Variants in SLC13A4 observed in about 807,000 individuals in gnomAD.
SLC13A4 encodes solute carrier family 13 member 4.
A neutral mutation model predicts 72.7 loss-of-function variants in SLC13A4; 28 were observed. The ratio of observed to expected loss-of-function variants is 0.39; its 90% CI spans 0.29 to 0.53. The LOEUF is 0.53. Ranked by LOEUF, SLC13A4 falls within the 20% of genes least tolerant of loss-of-function variation. The pLI is 0.78. For missense variants in SLC13A4, 653 were observed against 788.0 expected (o/e 0.83, Z 2.05); for synonymous variants, 312 against 325.5 (o/e 0.96, Z 0.45).
At position 135,681,810 on chromosome 7, in the gene SLC13A4, C is replaced by T. The variant is rs998178853; in HGVS notation, c.1747-110G>A. 4.8e-6 allele frequency: 7 copies of T among 1,457,012 alleles called. No individual in the cohort carries two copies. The African/African-American group carries it at 9.8e-5, about 21-fold the overall frequency. 90.3% of individuals were successfully genotyped at this position (1,457,012 alleles called of 1,614,324 possible). On this transcript the variant is annotated intron_variant, in intron 15 of 15. Transcript: ENST00000682651. ...ATGCCTTGTGGCCCAGATTAGTTCC[C>T]AGTTGCTGCCTGGGGTGCTCTAGCA...
At chr7:135,694,072 C>T in intron 10 of SLC13A4, 65 bp downstream of exon 10, 1 of 959,166 alleles carries the variant, frequency 1.0e-6, no homozygotes, top group Non-Finnish European at 1.7e-6. Context: ...AGGGCTGCTC[C>T]TGTGCTCACT....
chr7:135,695,333 C>T (rs755045492), intron 9 of SLC13A4, 35 bp downstream of exon 9: 139 of 1,612,156 alleles, frequency 8.6e-5, no homozygotes, highest in Non-Finnish European at 4.7e-5. Context: ...AACAGGGGGG[C>T]TTCAGTGCTT....
chr7:135,700,107 C>T (rs1421936713), intron 7 of SLC13A4, among the ~76,000 whole-genome samples: 1 of 152,178 alleles, frequency 6.6e-6, no homozygotes, highest in Non-Finnish European at 1.5e-5. Flanking sequence ...TACATAAAAA[C>T]CCTAGTCTTC....
Position 135,699,394 on chromosome 7 carries a change from G to A in SLC13A4, c.869C>T (p.Thr290Ile). 1 of 1,613,154 alleles carries A rather than the reference G, an allele frequency of 6.2e-7. No homozygotes were observed. Among genetic ancestry groups the A allele is most frequent in the Non-Finnish European group, 8.5e-7 (1 of 1,179,596 alleles). ...GAAGTGTTCCAGGAAGATGAGGCTG[G>A]TGGAGGTGCCGATGATGGTGGTCAG... ...GGLTTIIGTS[T>I]SLIFLEHFNN... The change falls in exon 8 of 16, where the codon ACC becomes ATC. Residue 290 changes from threonine to isoleucine, a missense_variant. Thr to Ile is a moderately conservative substitution (Grantham distance 89, BLOSUM62 -1). Coordinates refer to ENST00000682651, the MANE Select transcript of SLC13A4 (RefSeq NM_001318192.2).
intron 13 of SLC13A4, among the ~76,000 whole-genome samples, chr7:135,689,681 G>A (rs1198771862): frequency 1.3e-5 from 2 of 152,134 alleles, no homozygotes; most frequent in Non-Finnish European, 2.9e-5. Context: ...ACAACATGCA[G>A]AAGACCTGAG....
chr7:135,708,167 C>T lies in SLC13A4; in HGVS notation c.312G>A (p.Leu104=). 6.2e-7 allele frequency: 1 copy of T among 1,614,244 alleles called. No individual in the cohort carries two copies. The highest frequency in any genetic ancestry group is 8.5e-7 in the Non-Finnish European group (1 of 1,180,048). ...CCATGCGCAGAGCAATGCGCTTATG[C>T]AGGTTCCACTTCTCCACGGCAGCCG... The part of the protein sequence containing the change: ...CVAAAVEKWN[L]HKRIALRMVL... The change falls in exon 3 of 16, where the codon CTG becomes CTA. Residue 104 remains leucine, a synonymous_variant. Transcript: ENST00000682651.
rs185588234 is a variant in SLC13A4, at chr7:135,725,308, T to C, written c.99+2090A>G. ...CCACTCCAACTTCACGGGAAGGAGG[T>C]TGAAGTCTGTTATCTGTTATCATCA... On this transcript the variant is annotated intron_variant, in intron 1 of 15. Transcript: ENST00000682651. 1.9e-3 allele frequency among the ~76,000 whole-genome samples: 287 copies of C among 152,248 alleles called. 2 individuals are homozygous for C. Among genetic ancestry groups the C allele is most frequent in the African/African-American group, 6.6e-3 (274 of 41,538 alleles).
intron 15 of SLC13A4, among the ~76,000 whole-genome samples, chr7:135,681,969 C>T (rs1795513139): frequency 6.6e-6 from 1 of 152,178 alleles, no homozygotes; most frequent in Non-Finnish European, 1.5e-5. Flanking sequence ...TTGGAACACC[C>T]ACTCTGTGGA....
Position 135,705,525 on chromosome 7 carries a change from AG to A in SLC13A4, c.593+70del, listed in dbSNP as rs1468717585. On this transcript the variant is annotated intron_variant, in intron 5 of 15. Coordinates refer to ENST00000682651, the MANE Select transcript of SLC13A4 (RefSeq NM_001318192.2). ...ATCTCAAAGAGCTGTTTATGGGTCTAGGTCCCCTCTTTTCTGACCTCCCCTA... is the reference window on the plus strand; with the variant it reads ...ATCTCAAAGAGCTGTTTATGGGTCTAGTCCCCTCTTTTCTGACCTCCCCTA... The A allele has an allele frequency of 2.8e-6, 4 of 1,429,928 alleles. No homozygotes were observed. In the Admixed American group the frequency reaches 5.1e-5, roughly 18 times the overall value. The allele number at this position is 1,429,928 out of a possible 1,614,324, so 88.6% of individuals were successfully genotyped here. A position where few individuals can be genotyped will look rare whatever the true frequency, so the allele number is the denominator to read the frequency against.
chr7:135,691,651 A>C lies in SLC13A4; in HGVS notation c.1224-6T>G. 1.2e-6 allele frequency: 2 copies of C among 1,601,484 alleles called. No homozygotes were observed. Among genetic ancestry groups the C allele is most frequent in the Non-Finnish European group, 1.7e-6 (2 of 1,168,706 alleles). ...CATCAGTACGGTAGCCTTTCCTAGT[A>C]AAGAGACAAGCATAGCTGAGGAGAA... On this transcript the variant is annotated splice_region_variant and splice_polypyrimidine_tract_variant and intron_variant, in intron 11 of 15. Transcript: ENST00000682651.
At chr7:135,711,295 A>G (rs1216749701) in intron 2 of SLC13A4, among the ~76,000 whole-genome samples, 1 of 152,116 alleles carries the variant, frequency 6.6e-6, no homozygotes, top group Non-Finnish European at 1.5e-5. Context: ...GGACTGACTG[A>G]CAAGAGCTAC....
intron 5 of SLC13A4, chr7:135,705,390 G>T: frequency 1.9e-6 from 1 of 530,962 alleles, no homozygotes; most frequent in Non-Finnish European, 3.4e-6. Flanking sequence ...CTGTGGTTAA[G>T]GGAGTGACTC....
At chr7:135,690,040 G>T (rs975278348) in intron 13 of SLC13A4, among the ~76,000 whole-genome samples, 2 of 151,870 alleles carry the variant, frequency 1.3e-5, no homozygotes, top group Admixed American at 1.3e-4. Flanking sequence ...ATTAAGCTGG[G>T]TGTGGTGGCG....
At chr7:135,727,203 T>A (rs1307135561) in intron 1 of SLC13A4, among the ~76,000 whole-genome samples, 195 bp downstream of exon 1, 1 of 152,194 alleles carries the variant, frequency 6.6e-6, no homozygotes, top group African/African-American at 2.4e-5. Context: ...GGAATGGGAC[T>A]GGGATAGGAG....
intron 1 of SLC13A4, among the ~76,000 whole-genome samples, chr7:135,722,246 G>A (rs552410727): frequency 7.5e-6 from 1 of 133,918 alleles, no homozygotes; most frequent in Admixed American, 8.1e-5. Context: ...AGAGTACAAT[G>A]CTGTCTCAAA....
At chr7:135,705,510 G>T in intron 5 of SLC13A4, 86 bp downstream of exon 5, 1 of 1,255,152 alleles carries the variant, frequency 8.0e-7, no homozygotes, top group Non-Finnish European at 1.2e-6. Context: ...ATCTCAAAGA[G>T]CTGTTTATGG....
chr7:135,683,324 A>AT, intron 15 of SLC13A4: 11 of 650,240 alleles, frequency 1.7e-5, no homozygotes, highest in Non-Finnish European at 2.1e-5. Context: ...AAAAAAAAAA[A>AT]GGATAAAAAA....
Position 135,706,112 on chromosome 7 carries a change from C to T in SLC13A4, c.538+16G>A, listed in dbSNP as rs1461923685. Reference sequence around the variant, plus strand: ...GTTGGAGGAGCAAAGGAGAGATGAACTCCAGCAAACTGTACTGATGGGTTC... The same window carrying T: ...GTTGGAGGAGCAAAGGAGAGATGAATTCCAGCAAACTGTACTGATGGGTTC... On this transcript the variant is annotated intron_variant, in intron 4 of 15. Transcript: ENST00000682651. 2 of 1,560,822 alleles carry T rather than the reference C, an allele frequency of 1.3e-6. No homozygotes were observed. The highest frequency in any genetic ancestry group is 1.2e-5 in the South Asian group (1 of 84,266).
chr7:135,695,735 A>T (rs923081291), intron 8 of SLC13A4, among the ~76,000 whole-genome samples: 9 of 152,224 alleles, frequency 5.9e-5, no homozygotes, highest in African/African-American at 1.9e-4. Flanking sequence ...ATTAAAGTGT[A>T]TATACTTTGC....
Sources: gnomAD v4.1 joint callset for allele counts (sites outside exome capture counted in the v4.1 genomes callset) on GRCh38, gnomAD v4.1.1 for gene constraint, MANE v1.5 for transcripts, NCBI Gene and HGNC (gene_info 2026-07-23, HGNC 2026-07-21) for gene names.